Variants in HIVEP3 observed in about 807,000 individuals in gnomAD.
The protein encoded by HIVEP3 is HIVEP zinc finger 3, also known as transcription factor HIVEP3.
HIVEP3 carries 49 observed loss-of-function variants against 152.8 expected under a neutral mutation model. The ratio of observed to expected loss-of-function variants is 0.32; its 90% CI spans 0.26 to 0.41. The LOEUF (loss-of-function observed/expected upper bound fraction) is 0.41. HIVEP3 is among the 10% of genes least tolerant of loss of function. HIVEP3 has a pLI of 1.00. For synonymous variants in HIVEP3, 1,269 were observed against 1,289.0 expected, an observed-to-expected ratio of 0.98 and a Z score of 0.33; for missense variants, 2,790 against 3,103.3, an observed-to-expected ratio of 0.90 and a Z score of 2.40.
At chr1:41,891,936 A>G (rs543213713) in intron 1 of HIVEP3, among the ~76,000 whole-genome samples, 57 of 152,342 alleles carry the variant, frequency 3.7e-4, no homozygotes, top group South Asian at 3.3e-3. Flanking sequence ...AGAAAGGCAC[A>G]TCGGTTCTGC....
At chr1:41,851,914 G>A (rs1466811469) in intron 1 of HIVEP3, among the ~76,000 whole-genome samples, 1 of 152,178 alleles carries the variant, frequency 6.6e-6, no homozygotes, top group Non-Finnish European at 1.5e-5. Flanking sequence ...TGAGACCAAA[G>A]AGTTGGGTTC....
intron 1 of HIVEP3, among the ~76,000 whole-genome samples, chr1:41,998,766 A>T (rs1645409282): frequency 6.6e-6 from 1 of 151,910 alleles, no homozygotes; most frequent in Admixed American, 6.6e-5. Context: ...TAACAAGAAG[A>T]TTGTTAGAAA....
intron 1 of HIVEP3, among the ~76,000 whole-genome samples, chr1:41,938,132 G>A (rs952983135): frequency 2.6e-5 from 4 of 152,032 alleles, no homozygotes; most frequent in South Asian, 4.2e-4. Context: ...TACTCAGGAC[G>A]CAATTTAAAT....
chr1:42,019,066 G>A (rs536889089), intron 1 of HIVEP3, among the ~76,000 whole-genome samples: 2 of 152,076 alleles, frequency 1.3e-5, no homozygotes, highest in Non-Finnish European at 2.9e-5. Context: ...TAGAGGTTGA[G>A]GAAAAATTAT....
rs575422665 is a variant in HIVEP3, at chr1:41,844,828, A to G, written c.-801+73585T>C. Among the ~76,000 whole-genome samples the G allele has an allele frequency of 1.4e-4, 22 of 152,362 alleles. No individual in the cohort carries two copies. In the South Asian group the frequency reaches 3.1e-3, roughly 22 times the overall value. On this transcript the variant is annotated intron_variant, in intron 1 of 8. Transcript: ENST00000372583. ...CAAAATATAAAGAAAGGAAAATCTA[A>G]CATCTCATATAGAATAATCTCAGCA... is the stretch of plus-strand genomic sequence containing the variant.
At chr1:41,590,953 G>A (rs1229020618) in intron 3 of HIVEP3, among the ~76,000 whole-genome samples, 25 of 152,144 alleles carry the variant, frequency 1.6e-4, no homozygotes, top group Admixed American at 1.6e-3. Flanking sequence ...ACCCCTCTAA[G>A]CCTTAGTCTC....
At chr1:41,817,406 C>T (rs1042370901) in intron 1 of HIVEP3, among the ~76,000 whole-genome samples, 1 of 152,060 alleles carries the variant, frequency 6.6e-6, no homozygotes, top group African/African-American at 2.4e-5. Context: ...CCGGATGGGG[C>T]AGGACATGGC....
chr1:41,889,033 T>TAC (rs565333823), intron 1 of HIVEP3, among the ~76,000 whole-genome samples: 3,723 of 121,166 alleles, frequency 0.031, 59 homozygotes, highest in African/African-American at 0.059. Context: ...CCTCACACGC[T>TAC]ACACACACAC....
intron 1 of HIVEP3, among the ~76,000 whole-genome samples, chr1:41,811,619 C>G (rs947618945): frequency 1.3e-5 from 2 of 151,850 alleles, no homozygotes; most frequent in African/African-American, 4.8e-5. Flanking sequence ...GTGACGGGCC[C>G]AGAGCACCCT....
intron 2 of HIVEP3, among the ~76,000 whole-genome samples, chr1:41,699,299 A>G (rs1646325015): frequency 6.6e-6 from 1 of 152,216 alleles, no homozygotes; most frequent in Non-Finnish European, 1.5e-5. Context: ...AAGGAGGGGC[A>G]GGGCAGGGTT....
intron 1 of HIVEP3, among the ~76,000 whole-genome samples, chr1:41,917,511 G>A (rs1002712864): frequency 6.6e-6 from 1 of 152,100 alleles, no homozygotes; most frequent in Non-Finnish European, 1.5e-5. Flanking sequence ...TCAAGGAAGG[G>A]CCTAGCCACA....
At chr1:41,938,921 A>G (rs1020692967) in intron 1 of HIVEP3, among the ~76,000 whole-genome samples, 9 of 152,218 alleles carry the variant, frequency 5.9e-5, no homozygotes, top group Admixed American at 5.2e-4. Context: ...TTCATATCAA[A>G]GCCAGCCTTT....
intron 1 of HIVEP3, among the ~76,000 whole-genome samples, chr1:41,726,473 C>T (rs566785328): frequency 5.9e-4 from 90 of 152,312 alleles, no homozygotes; most frequent in African/African-American, 1.8e-3. Flanking sequence ...GTGACGTTTA[C>T]ACACCCGCTC....
chr1:41,998,914 T>TTTA (rs1645411078), intron 1 of HIVEP3, among the ~76,000 whole-genome samples: 1 of 141,336 alleles, frequency 7.1e-6, no homozygotes, highest in African/African-American at 2.7e-5. Flanking sequence ...TTTTTTTTTT[T>TTTA]GAGACGGAGT....
chr1:42,004,120 G>C (rs545964907), intron 1 of HIVEP3, among the ~76,000 whole-genome samples: 2 of 152,190 alleles, frequency 1.3e-5, no homozygotes, highest in African/African-American at 2.4e-5. Context: ...ACACCAACCA[G>C]GTGGTGGAGC....
intron 3 of HIVEP3, among the ~76,000 whole-genome samples, chr1:41,623,342 C>T (rs1430013496): frequency 6.6e-6 from 1 of 152,218 alleles, no homozygotes; most frequent in Non-Finnish European, 1.5e-5. Context: ...TGTTTCTCCC[C>T]ACACAGTGGC....
chr1:41,822,766 C>G (rs1642646194), intron 1 of HIVEP3, among the ~76,000 whole-genome samples: 1 of 152,232 alleles, frequency 6.6e-6, no homozygotes, highest in South Asian at 2.1e-4. Flanking sequence ...TCTCCATCAA[C>G]TCCAAGCGTC....
intron 1 of HIVEP3, among the ~76,000 whole-genome samples, chr1:41,892,627 C>T (rs1644463703): frequency 6.6e-6 from 1 of 152,162 alleles, no homozygotes; most frequent in Admixed American, 6.5e-5. Flanking sequence ...GTCAGCTGAC[C>T]CCTCTGCTCT....
intron 5 of HIVEP3, among the ~76,000 whole-genome samples, chr1:41,545,018 T>C (rs866322627): frequency 2.8e-3 from 90 of 32,668 alleles, no homozygotes; most frequent in African/African-American, 7.2e-3. Flanking sequence ...CCACCACCAC[T>C]ACCACCACCA....
Sources: gnomAD v4.1 joint callset for allele counts (sites outside exome capture counted in the v4.1 genomes callset) on GRCh38, gnomAD v4.1.1 for gene constraint, MANE v1.5 for transcripts, NCBI Gene and HGNC (gene_info 2026-07-23, HGNC 2026-07-21) for gene names.